WDR45B: variants seen among roughly 807,000 people sequenced by gnomAD.
WDR45B encodes WD repeat domain 45B.
Under a neutral mutation model 44.6 loss-of-function variants are expected in WDR45B, and 20 were observed. The ratio of observed to expected loss-of-function variants is 0.45; its 90% CI spans 0.32 to 0.65. The LOEUF is 0.65. Among genes scored for constraint, WDR45B ranks in the 30% least tolerant of loss-of-function variants. WDR45B has a pLI of 0.05. For missense variants in WDR45B, 323 were observed against 430.2 expected (o/e 0.75, Z 2.20); for synonymous variants, 169 against 164.9 (o/e 1.02, Z -0.19).
intron 3 of WDR45B, among the ~76,000 whole-genome samples, chr17:82,627,953 G>A (rs1218646238): frequency 6.6e-6 from 1 of 152,238 alleles, no homozygotes; most frequent in African/African-American, 2.4e-5. Flanking sequence ...GGGCCAACAA[G>A]TTCCTCACTC....
chr17:82,625,304 G>T, intron 5 of WDR45B, 85 bp downstream of exon 5: 1 of 1,359,206 alleles, frequency 7.4e-7, no homozygotes, highest in South Asian at 1.2e-5. Context: ...TTTGCTCAGA[G>T]ACCTGCTTGG....
chr17:82,642,381 G>C (rs1448040962), intron 2 of WDR45B, among the ~76,000 whole-genome samples: 1 of 152,190 alleles, frequency 6.6e-6, no homozygotes, highest in Non-Finnish European at 1.5e-5. Context: ...AGTGGGAACA[G>C]TTTCATCCCG....
At chr17:82,633,569 T>G (rs1252851838) in intron 2 of WDR45B, among the ~76,000 whole-genome samples, 2 of 152,146 alleles carry the variant, frequency 1.3e-5, no homozygotes, top group Non-Finnish European at 2.9e-5. Context: ...GCAAGTGCAG[T>G]GATGAGAACA....
Position 82,621,731 on chromosome 17 carries a change from C to T in WDR45B, c.496G>A (p.Val166Met). ...GTGCTGGCCAGGTCCACAAGCTGCA[C>T]ATGGCCCGTGTGCGTGCCCGGAAAG... ...LAFPGTHTGH[V>M]QLVDLASTEK... The change falls in exon 6 of 10, where the codon GTG becomes ATG. Residue 166 changes from valine (V) to methionine (M), a missense_variant. By Grantham distance (21) the Val-to-Met change is conservative (BLOSUM62 1). Coordinates refer to ENST00000392325, the MANE Select transcript of WDR45B (RefSeq NM_019613.4). The T allele has an allele frequency of 6.2e-7, 1 of 1,614,196 alleles. No homozygotes were observed. Among genetic ancestry groups the T allele is most frequent in the Non-Finnish European group, 8.5e-7 (1 of 1,180,036 alleles).
intron 5 of WDR45B, among the ~76,000 whole-genome samples, chr17:82,622,246 G>C (rs1486499843): frequency 1.3e-5 from 2 of 152,204 alleles, no homozygotes; most frequent in Non-Finnish European, 2.9e-5. Flanking sequence ...GTAACATCTT[G>C]CAAAGGAAGA....
At chr17:82,623,214 C>G (rs1436922131) in intron 5 of WDR45B, among the ~76,000 whole-genome samples, 1 of 150,018 alleles carries the variant, frequency 6.7e-6, no homozygotes, top group East Asian at 2.0e-4. Context: ...TAATGAAACC[C>G]CGTCTCTACT....
At chr17:82,616,684 C>T (rs1437037884) in intron 8 of WDR45B, 39 bp from the exon 9 acceptor site, 2 of 1,612,900 alleles carry the variant, frequency 1.2e-6, no homozygotes, top group Admixed American at 3.3e-5. Context: ...TCAAAGTTTA[C>T]AGGAAAAAAA....
intron 1 of WDR45B, chr17:82,644,411 G>A (rs2045952318): frequency 3.2e-6 from 1 of 309,680 alleles, no homozygotes; most frequent in South Asian, 3.1e-5. Flanking sequence ...GGGTGCTGGG[G>A]AGACAAGAGG....
At chr17:82,648,113 G>GAGGGCC (rs2046005272) in intron 1 of WDR45B, among the ~76,000 whole-genome samples, 161 bp downstream of exon 1, 1 of 150,906 alleles carries the variant, frequency 6.6e-6, no homozygotes, top group African/African-American at 2.4e-5. Flanking sequence ...GAGCAGCGGC[G>GAGGGCC]AGGGCCGGGG....
chr17:82,630,609 A>G (rs2045754827), intron 3 of WDR45B, among the ~76,000 whole-genome samples: 1 of 152,206 alleles, frequency 6.6e-6, no homozygotes, highest in Admixed American at 6.5e-5. Context: ...TAAGAAAAAA[A>G]ATCCTTCTAC....
chr17:82,630,965 G>C lies in WDR45B; in HGVS notation c.200C>G (p.Ala67Gly). Residue 67 changes from alanine to glycine, a missense_variant, in exon 3 of 10, where the codon GCT (alanine) becomes GGT (glycine). Coordinates refer to ENST00000392325, the MANE Select transcript of WDR45B (RefSeq NM_019613.4). Reference protein sequence around the residue: ...VEMLFRCNYLALVGGGKKPKY... With the variant: ...VEMLFRCNYLGLVGGGKKPKY... ...CGGCTTTTTTCCACCACCAACTAAA[G>C]CTAAATAGTTGCAGCGAAATAACAT... 1 of 1,613,254 alleles carries C rather than the reference G, an allele frequency of 6.2e-7. No individual in the cohort carries two copies. The highest frequency in any genetic ancestry group is 8.5e-7 in the Non-Finnish European group (1 of 1,180,016).
At chr17:82,626,259 C>T (rs908101748) in intron 4 of WDR45B, among the ~76,000 whole-genome samples, 21 of 150,842 alleles carry the variant, frequency 1.4e-4, no homozygotes, top group East Asian at 4.0e-4. Context: ...GAAAGTTGGC[C>T]GGGCGCAGTG....
chr17:82,642,287 A>G (rs1030637482), intron 2 of WDR45B, among the ~76,000 whole-genome samples: 1 of 152,198 alleles, frequency 6.6e-6, no homozygotes, highest in South Asian at 2.1e-4. Context: ...CGATTCTCAC[A>G]GAAGCATGAA....
chr17:82,629,018 A>T (rs535573476), intron 3 of WDR45B, among the ~76,000 whole-genome samples: 57 of 152,338 alleles, frequency 3.7e-4, no homozygotes, highest in Non-Finnish European at 8.1e-4. Context: ...ATAAATAAAA[A>T]TCAAGTTTAC....
At chr17:82,617,252 C>A (rs374932739) in intron 8 of WDR45B, 44 bp downstream of exon 8, 4 of 1,577,318 alleles carry the variant, frequency 2.5e-6, no homozygotes, top group Admixed American at 1.7e-5. Context: ...CTGGGGACTC[C>A]TCTCATCCCC....
At chr17:82,618,361 G>T (rs183560491) in intron 7 of WDR45B, among the ~76,000 whole-genome samples, 1 of 152,166 alleles carries the variant, frequency 6.6e-6, no homozygotes, top group Non-Finnish European at 1.5e-5. Context: ...CTAGACACCC[G>T]GGGGGCTGTA....
chr17:82,636,613 T>C (rs2045836006), intron 2 of WDR45B: 1 of 152,052 alleles, frequency 6.6e-6, no homozygotes. Flanking sequence ...ACTGAAATAT[T>C]ACAAAGGATA....
At chr17:82,631,695 T>C (rs2045770663) in intron 2 of WDR45B, among the ~76,000 whole-genome samples, 1 of 151,086 alleles carries the variant, frequency 6.6e-6, no homozygotes, top group Admixed American at 6.6e-5. Context: ...CTCAGTTTAC[T>C]GTCATCATGT....
At chr17:82,629,817 A>G (rs1568008818) in intron 3 of WDR45B, 2 of 984,954 alleles carry the variant, frequency 2.0e-6, no homozygotes, top group Non-Finnish European at 2.4e-6. Flanking sequence ...GCCTGATCTG[A>G]CCTGGGCTAT....
Sources: gnomAD v4.1 joint callset for allele counts (sites outside exome capture counted in the v4.1 genomes callset) on GRCh38, gnomAD v4.1.1 for gene constraint, MANE v1.5 for transcripts, NCBI Gene and HGNC (gene_info 2026-07-23, HGNC 2026-07-21) for gene names.